METTL24: variants seen among roughly 807,000 people sequenced by gnomAD.
The protein encoded by METTL24 is probable methyltransferase-like protein 24.
In METTL24, 29 loss-of-function variants were observed where a neutral mutation model predicts 32.7. The observed-to-expected ratio is 0.89, with a 90% CI of 0.66 to 1.21. The LOEUF (loss-of-function observed/expected upper bound fraction) is 1.21. Among genes scored for constraint, METTL24 ranks in the 50% most tolerant of loss-of-function variants. The probability of loss-of-function intolerance (pLI) is 0.00; values close to 1 mark genes in which losing one functional copy is unlikely to be tolerated. For missense variants in METTL24, 439 were observed against 468.1 expected, an observed-to-expected ratio of 0.94 and a Z score of 0.57; for synonymous variants, 163 against 179.5, an observed-to-expected ratio of 0.91 and a Z score of 0.73.
intron 1 of METTL24, chr6:110,357,387 G>A (rs1196839595): frequency 6.6e-6 from 1 of 152,130 alleles, no homozygotes; most frequent in East Asian, 1.9e-4. Context: ...CTGGGTGCTC[G>A]GCTTCTCAAC....
chr6:110,309,901 A>C (rs765184409), intron 3 of METTL24, among the ~76,000 whole-genome samples: 4 of 152,090 alleles, frequency 2.6e-5, no homozygotes, highest in African/African-American at 4.8e-5. Flanking sequence ...CAAAACAAAA[A>C]ACCCTTTCCT....
chr6:110,306,593 T>C (rs903792360), intron 3 of METTL24, among the ~76,000 whole-genome samples: 5 of 152,158 alleles, frequency 3.3e-5, no homozygotes, highest in Admixed American at 2.6e-4. Context: ...ATTTATGTTA[T>C]ACTTTTACTA....
At chr6:110,252,987 A>G (rs1325583287) in intron 4 of METTL24, among the ~76,000 whole-genome samples, 5 of 152,184 alleles carry the variant, frequency 3.3e-5, no homozygotes, top group African/African-American at 9.6e-5. Flanking sequence ...CCCATCCTCC[A>G]GAATTGTGAT....
In METTL24 at chr6:110,257,443, TTCAAGTGC is replaced by T. The variant is rs1404192159; in HGVS notation, c.787-11191_787-11184del. Among the ~76,000 whole-genome samples the T allele has an allele frequency of 3.3e-5, 5 of 152,318 alleles. No individual in the cohort carries two copies. The East Asian group carries it at 9.6e-4, about 29-fold the overall frequency. On this transcript the variant is annotated intron_variant, in intron 4 of 4. Transcript: ENST00000338882. ...ATTAAAATTAATTTCTCTGCCACAT[TTCAAGTGC>T]TCAATAGCCATATATGGCTAGTGGC... is the stretch of plus-strand genomic sequence containing the variant.
chr6:110,356,447 A>T (rs1772701512), intron 1 of METTL24, among the ~76,000 whole-genome samples: 1 of 151,892 alleles, frequency 6.6e-6, no homozygotes, highest in Non-Finnish European at 1.5e-5. Flanking sequence ...CGGCTCAAAT[A>T]AAAAAAAGAA....
chr6:110,319,260 C>CTG (rs1211990650), intron 2 of METTL24, among the ~76,000 whole-genome samples: 1 of 136,006 alleles, frequency 7.4e-6, no homozygotes, highest in Non-Finnish European at 1.5e-5. Context: ...GTTTTTATCC[C>CTG]TGTGTGTGTA....
At chr6:110,279,574 C>T (rs1771104110) in intron 4 of METTL24, among the ~76,000 whole-genome samples, 2 of 152,158 alleles carry the variant, frequency 1.3e-5, no homozygotes, top group Admixed American at 6.6e-5. Flanking sequence ...ATGTACAATA[C>T]ATTTACTCAT....
At chr6:110,249,564 G>A (rs971838830) in intron 4 of METTL24, among the ~76,000 whole-genome samples, 4 of 151,964 alleles carry the variant, frequency 2.6e-5, no homozygotes, top group African/African-American at 9.7e-5. Flanking sequence ...TCCCATTACT[G>A]CAATGATTTT....
intron 2 of METTL24, among the ~76,000 whole-genome samples, chr6:110,320,049 G>T (rs1415358195): frequency 2.6e-5 from 4 of 152,186 alleles, no homozygotes; most frequent in Non-Finnish European, 4.4e-5. Context: ...GCCTGGCACA[G>T]TGCCAGCCAT....
intron 4 of METTL24, among the ~76,000 whole-genome samples, chr6:110,292,958 T>A (rs187365123): frequency 1.3e-5 from 2 of 152,092 alleles, no homozygotes; most frequent in African/African-American, 4.8e-5. Flanking sequence ...TTAATCTGTT[T>A]ATCTGTTCAT....
intron 1 of METTL24, among the ~76,000 whole-genome samples, chr6:110,338,115 G>A (rs1483565219): frequency 6.6e-6 from 1 of 152,192 alleles, no homozygotes; most frequent in African/African-American, 2.4e-5. Flanking sequence ...GAAGAAAGCA[G>A]GGAAATTCAC....
intron 1 of METTL24, among the ~76,000 whole-genome samples, chr6:110,332,933 C>T (rs1772134774): frequency 6.6e-6 from 1 of 151,334 alleles, no homozygotes; most frequent in Admixed American, 6.6e-5. Context: ...AGCAAGTGTG[C>T]CTAAGAAAGC....
chr6:110,269,361 G>A (rs17071363), intron 4 of METTL24, among the ~76,000 whole-genome samples: 13,728 of 152,124 alleles, frequency 0.09, 1,138 homozygotes, highest in African/African-American at 0.23. Context: ...TTAAAAGGGC[G>A]TCATTTTTTA....
intron 4 of METTL24, among the ~76,000 whole-genome samples, chr6:110,281,394 G>A (rs1771132822): frequency 6.6e-6 from 1 of 152,102 alleles, no homozygotes; most frequent in Non-Finnish European, 1.5e-5. Context: ...TGTAATCTCA[G>A]CACTTTGGGA....
At chr6:110,287,448 G>A (rs1002919100) in intron 4 of METTL24, among the ~76,000 whole-genome samples, 26 of 152,132 alleles carry the variant, frequency 1.7e-4, no homozygotes, top group Admixed American at 3.3e-4. Context: ...AATTCTGCAC[G>A]ATGAAATTGC....
At chr6:110,340,293 C>T (rs929326482) in intron 1 of METTL24, among the ~76,000 whole-genome samples, 1 of 152,128 alleles carries the variant, frequency 6.6e-6, no homozygotes, top group African/African-American at 2.4e-5. Context: ...ACAGTAGGCC[C>T]ACCTCCTGAG....
chr6:110,246,149 GGAGA>G lies in METTL24; in HGVS notation c.894_897del (p.Leu299ThrfsTer25). On this transcript the variant is annotated frameshift_variant, in exon 5 of 5. Transcript: ENST00000338882. LOFTEE classifies it high-confidence loss of function. ...CCACTGACCTCAAACCCAGGCCAGTGGAGATGGATCTCAAAGATGAGCTGTCCAA... is the reference window on the plus strand; with the variant it reads ...CCACTGACCTCAAACCCAGGCCAGTGTGGATCTCAAAGATGAGCTGTCCAA... 1 of 1,614,188 alleles carries G rather than the reference GGAGA, an allele frequency of 6.2e-7. No homozygotes were observed. The highest frequency in any genetic ancestry group is 8.5e-7 in the Non-Finnish European group (1 of 1,180,028).
chr6:110,266,198 T>G (rs928925857), intron 4 of METTL24, among the ~76,000 whole-genome samples: 1 of 151,218 alleles, frequency 6.6e-6, no homozygotes, highest in African/African-American at 2.4e-5. Context: ...AGCCACTGTG[T>G]CTGGCAGGAA....
intron 3 of METTL24, among the ~76,000 whole-genome samples, chr6:110,308,022 AG>A (rs1771655053): frequency 6.6e-6 from 1 of 152,220 alleles, no homozygotes; most frequent in African/African-American, 2.4e-5. Context: ...AAATTTTCAA[AG>A]GTAATAGAAT....
Sources: gnomAD v4.1 joint callset for allele counts (sites outside exome capture counted in the v4.1 genomes callset) on GRCh38, gnomAD v4.1.1 for gene constraint, MANE v1.5 for transcripts, NCBI Gene and HGNC (gene_info 2026-07-23, HGNC 2026-07-21) for gene names.